Variants in PDGFD observed in about 807,000 individuals in gnomAD.
PDGFD encodes the protein platelet-derived growth factor D.
In PDGFD, 30 loss-of-function variants were observed where a neutral mutation model predicts 44.7. The ratio of observed to expected loss-of-function variants is 0.67; its 90% CI spans 0.50 to 0.91. PDGFD has a LOEUF of 0.91. Ranked by LOEUF, PDGFD falls within the 40% of genes least tolerant of loss-of-function variation. The pLI is 0.00. For synonymous variants in PDGFD, 173 were observed against 168.4 expected (o/e 1.03, Z -0.21); for missense variants, 445 against 457.8 (o/e 0.97, Z 0.25).
In PDGFD at chr11:103,916,686, C is replaced by T. The variant is rs538345720; in HGVS notation, c.988-6867G>A. Among the ~76,000 whole-genome samples the T allele has an allele frequency of 7.2e-5, 11 of 152,294 alleles. No homozygotes were observed. In the South Asian group the frequency reaches 2.3e-3, roughly 32 times the overall value. On this transcript the variant is annotated intron_variant, in intron 6 of 6. Coordinates refer to ENST00000393158, the MANE Select transcript of PDGFD (RefSeq NM_025208.5). The stretch of plus-strand genomic sequence containing the variant: ...CACAATAGCAAAGACTTGGAACCAA[C>T]CCAAATGTCCATCAGTGATAGACTG...
At chr11:103,911,462 C>T (rs1201487248) in intron 6 of PDGFD, among the ~76,000 whole-genome samples, 1 of 152,048 alleles carries the variant, frequency 6.6e-6, no homozygotes, top group African/African-American at 2.4e-5. Flanking sequence ...ACTCAGAGAC[C>T]CCATCTGAAG....
intron 1 of PDGFD, among the ~76,000 whole-genome samples, chr11:104,081,467 C>A (rs1470417857): frequency 1.3e-5 from 2 of 152,000 alleles, no homozygotes. Flanking sequence ...AAAAATAAGT[C>A]ATCAAAAGCT....
chr11:103,957,497 T>C (rs1024658601), intron 3 of PDGFD, among the ~76,000 whole-genome samples: 2 of 152,156 alleles, frequency 1.3e-5, no homozygotes, highest in African/African-American at 4.8e-5. Context: ...CAAAGCAGCA[T>C]GGTACAGGTA....
intron 2 of PDGFD, among the ~76,000 whole-genome samples, chr11:103,999,633 G>A (rs732451): frequency 0.13 from 19,634 of 152,172 alleles, 1,391 homozygotes; most frequent in Middle Eastern, 0.17. Flanking sequence ...ATTCATTATG[G>A]GTAGGAAGGC....
In PDGFD at chr11:103,927,103, C is replaced by A; in HGVS notation, c.796G>T (p.Asp266Tyr). ...SKVDLDRLND[D>Y]AKRYSCTPRN... ...GGAGTGCAACTGTAACGCTTGGCATCATCATTGAGCCTATCCAGGTCAACT... is the reference window on the plus strand; with the variant it reads ...GGAGTGCAACTGTAACGCTTGGCATAATCATTGAGCCTATCCAGGTCAACT... Residue 266 changes from aspartate (D) to tyrosine (Y), a missense_variant, in exon 6 of 7, where the codon GAT (aspartate) becomes TAT (tyrosine). Physicochemically the swap from Asp to Tyr is radical, Grantham distance 160 (BLOSUM62 -3). Transcript: ENST00000393158. 6.2e-7 allele frequency: 1 copy of A among 1,614,104 alleles called. No individual in the cohort carries two copies. Among genetic ancestry groups the A allele is most frequent in the Non-Finnish European group, 8.5e-7 (1 of 1,179,988 alleles).
chr11:104,034,508 T>C (rs1260137255), intron 1 of PDGFD, among the ~76,000 whole-genome samples: 1 of 152,118 alleles, frequency 6.6e-6, no homozygotes, highest in Non-Finnish European at 1.5e-5. Flanking sequence ...AATAATGGTG[T>C]AACAGTGCAG....
At chr11:104,056,944 A>ATGGTGAAACCC (rs1294119112) in intron 1 of PDGFD, among the ~76,000 whole-genome samples, 4 of 152,140 alleles carry the variant, frequency 2.6e-5, no homozygotes, top group African/African-American at 9.7e-5. Context: ...CCTGGTCAAC[A>ATGGTGAAACCC]TGGTGAAACC....
chr11:104,005,829 T>C (rs1202145529), intron 1 of PDGFD, among the ~76,000 whole-genome samples: 1 of 152,222 alleles, frequency 6.6e-6, no homozygotes, highest in Non-Finnish European at 1.5e-5. Flanking sequence ...CTGTACTAGC[T>C]GTTAAACTAC....
intron 1 of PDGFD, among the ~76,000 whole-genome samples, chr11:104,147,525 T>C (rs1862181120): frequency 2.0e-5 from 3 of 152,176 alleles, no homozygotes; most frequent in Admixed American, 6.5e-5. Flanking sequence ...GAATGATTTA[T>C]ATTGCTGTAA....
chr11:103,920,324 C>T (rs1858194847), intron 6 of PDGFD, among the ~76,000 whole-genome samples: 2 of 152,340 alleles, frequency 1.3e-5, no homozygotes, highest in South Asian at 4.1e-4. Context: ...TTTAACTTTA[C>T]AGAACTAAAT....
intron 1 of PDGFD, among the ~76,000 whole-genome samples, chr11:104,057,043 G>A (rs1020356025): frequency 6.6e-6 from 1 of 152,124 alleles, no homozygotes. Context: ...CAGGGGAATC[G>A]CTTGAACCTA....
intron 3 of PDGFD, among the ~76,000 whole-genome samples, chr11:103,976,078 G>C (rs1377733962): frequency 6.6e-6 from 1 of 151,884 alleles, no homozygotes; most frequent in Non-Finnish European, 1.5e-5. Context: ...GTTATAAATT[G>C]CTTTGGGCAT....
At chr11:103,914,396 C>A (rs1858081030) in intron 6 of PDGFD, among the ~76,000 whole-genome samples, 1 of 152,122 alleles carries the variant, frequency 6.6e-6, no homozygotes, top group Non-Finnish European at 1.5e-5. Context: ...AAGACTAAAC[C>A]AGGAAGAAGT....
chr11:104,114,460 T>C (rs1861603212), intron 1 of PDGFD, among the ~76,000 whole-genome samples: 1 of 152,098 alleles, frequency 6.6e-6, no homozygotes, highest in Non-Finnish European at 1.5e-5. Context: ...TATTGGTATA[T>C]TGTTTTAACA....
intron 3 of PDGFD, among the ~76,000 whole-genome samples, chr11:103,960,544 T>G (rs75805657): frequency 1.3e-5 from 2 of 152,230 alleles, no homozygotes; most frequent in African/African-American, 4.8e-5. Flanking sequence ...TGTTGGCTAA[T>G]GCATGGATGC....
rs1367274468 is a variant in PDGFD, at chr11:104,124,506, T to C, written c.124+39298A>G. On this transcript the variant is annotated intron_variant, in intron 1 of 6. Transcript: ENST00000393158. Reference sequence around the variant, plus strand: ...TCATCTTCACCACGTGTAAATATTATAAATGCTGATATTCATTAAATTAGT... The same window carrying C: ...TCATCTTCACCACGTGTAAATATTACAAATGCTGATATTCATTAAATTAGT... 3.3e-5 allele frequency among the ~76,000 whole-genome samples: 5 copies of C among 152,114 alleles called. No individual in the cohort carries two copies. The East Asian group carries it at 5.8e-4, about 18-fold the overall frequency.
intron 3 of PDGFD, among the ~76,000 whole-genome samples, chr11:103,963,956 A>T (rs1393268920): frequency 6.6e-6 from 1 of 152,128 alleles, no homozygotes; most frequent in East Asian, 1.9e-4. Flanking sequence ...TGGGGGCTAT[A>T]AGACACTTTA....
chr11:104,032,449 TAAAG>T (rs1860143900), intron 1 of PDGFD, among the ~76,000 whole-genome samples: 1 of 152,134 alleles, frequency 6.6e-6, no homozygotes, highest in South Asian at 2.1e-4. Context: ...AGCACATACT[TAAAG>T]GAAGAAATCC....
At chr11:104,093,545 C>T (rs555128645) in intron 1 of PDGFD, among the ~76,000 whole-genome samples, 2 of 152,160 alleles carry the variant, frequency 1.3e-5, no homozygotes, top group South Asian at 2.1e-4. Flanking sequence ...TATCAAAGTT[C>T]TGTGGAATAG....
Sources: gnomAD v4.1 joint callset for allele counts (sites outside exome capture counted in the v4.1 genomes callset) on GRCh38, gnomAD v4.1.1 for gene constraint, MANE v1.5 for transcripts, NCBI Gene and HGNC (gene_info 2026-07-23, HGNC 2026-07-21) for gene names.